The following HSBP1L1 variants were observed in gnomAD, a reference collection of about 807,000 sequenced individuals.
HSBP1L1 encodes heat shock factor-binding protein 1-like protein 1.
A neutral mutation model predicts 9.7 loss-of-function variants in HSBP1L1; 8 were observed. The ratio of observed to expected loss-of-function variants is 0.82; its 90% confidence interval spans 0.48 to 1.48. The LOEUF (loss-of-function observed/expected upper bound fraction) is 1.48, where lower values mean the gene tolerates loss of function less well. HSBP1L1 is among the 40% of genes most tolerant of loss of function. The pLI is 0.00. For missense variants in HSBP1L1, 106 were observed against 95.8 expected, an observed-to-expected ratio of 1.11 and a Z score of -0.44; for synonymous variants, 39 against 34.4, an observed-to-expected ratio of 1.13 and a Z score of -0.46.
chr18:79,969,379 GAA>G (rs1213754045), intron 3 of HSBP1L1, among the ~76,000 whole-genome samples: 1 of 56,698 alleles, frequency 1.8e-5, no homozygotes, highest in African/African-American at 4.8e-5. Context: ...AAGAAAGAAA[GAA>G]AGAAAGAAAG....
intron 1 of HSBP1L1, among the ~76,000 whole-genome samples, chr18:79,965,825 G>A (rs116494760): frequency 6.6e-6 from 1 of 152,154 alleles, no homozygotes; most frequent in African/African-American, 2.4e-5. Flanking sequence ...CATGATTCCC[G>A]CGCTGCTTGT....
At chr18:79,969,058 G>A (rs564497296) in intron 3 of HSBP1L1, among the ~76,000 whole-genome samples, 6 of 149,722 alleles carry the variant, frequency 4.0e-5, no homozygotes, top group South Asian at 2.1e-4. Context: ...GTGTGGTGGC[G>A]GGCGCCTGTG....
chr18:79,969,350 A>AG (rs2051279912), intron 3 of HSBP1L1, among the ~76,000 whole-genome samples: 1 of 42,508 alleles, frequency 2.4e-5, no homozygotes, highest in Non-Finnish European at 5.8e-5. Context: ...AAAGAAAGAA[A>AG]GAAAGAAAGA....
chr18:79,964,962 C>T, intron 1 of HSBP1L1, among the ~76,000 whole-genome samples, 176 bp downstream of exon 1: 1 of 133,810 alleles, frequency 7.5e-6, no homozygotes, highest in African/African-American at 2.9e-5. Context: ...CTGAGGAGTC[C>T]TGAGTGCCTG....
At chr18:79,967,181 T>A (rs1320272724) in intron 2 of HSBP1L1, among the ~76,000 whole-genome samples, 1 of 149,854 alleles carries the variant, frequency 6.7e-6, no homozygotes, top group Non-Finnish European at 1.5e-5. Flanking sequence ...ACCTCCTGCT[T>A]GACTGGCAAC....
Position 79,964,747 on chromosome 18 carries a change from G to A in HSBP1L1, c.12G>A (p.Arg4=), listed in dbSNP as rs949536993. 2.1e-6 allele frequency: 3 copies of A among 1,419,078 alleles called. No individual in the cohort carries two copies. Among genetic ancestry groups the A allele is most frequent in the African/African-American group, 3.0e-5 (2 of 66,682 alleles). The allele number at this position is 1,419,078 out of a possible 1,614,324, so 87.9% of individuals were successfully genotyped here. MDV[R]GPEAPGGRAL... is the part of the protein sequence containing the mutation. The stretch of plus-strand genomic sequence containing the variant: ...GGCCAGCGGTCCACATGGACGTGCG[G>A]GGCCCTGAAGCCCCCGGCGGGCGCG... The change falls in exon 1 of 4, where the codon CGG becomes CGA. Residue 4 remains arginine, a synonymous_variant. Coordinates refer to ENST00000451882, the MANE Select transcript of HSBP1L1 (RefSeq NM_001136180.2).
intron 3 of HSBP1L1, among the ~76,000 whole-genome samples, chr18:79,969,302 GA>G (rs1599701536): frequency 1.3e-5 from 1 of 74,462 alleles, no homozygotes. Context: ...GAGGGAGAGA[GA>G]GAGAGAAAGG....
At chr18:79,968,366 G>C (rs904562475) in intron 3 of HSBP1L1, among the ~76,000 whole-genome samples, 183 bp downstream of exon 3, 1 of 152,020 alleles carries the variant, frequency 6.6e-6, no homozygotes, top group Non-Finnish European at 1.5e-5. Context: ...TTGCTCTGTC[G>C]CCCAGGCTGG....
At chr18:79,967,668 A>C (rs1227440599) in intron 2 of HSBP1L1, 1 of 153,948 alleles carries the variant, frequency 6.5e-6, no homozygotes, top group East Asian at 1.9e-4. Context: ...CAGCTACTCG[A>C]GAGGCTGAGG....
At chr18:79,969,341 A>AAGAAAGAGAGAGAGAGAG (rs1197862375) in intron 3 of HSBP1L1, among the ~76,000 whole-genome samples, 1 of 27,416 alleles carries the variant, frequency 3.6e-5, no homozygotes, top group African/African-American at 9.0e-5. Flanking sequence ...AAAAGAAAGA[A>AAGAAAGAGAGAGAGAGAG]AGAAAGAAAG....
intron 3 of HSBP1L1, among the ~76,000 whole-genome samples, chr18:79,969,361 AAGAAAG>A (rs2051280585): frequency 2.1e-5 from 1 of 48,190 alleles, no homozygotes; most frequent in African/African-American, 5.2e-5. Context: ...GAAAGAAAGA[AAGAAAG>A]AAAGAAAGAA....
chr18:79,965,144 G>A (rs1235306149), intron 1 of HSBP1L1, among the ~76,000 whole-genome samples: 2 of 152,088 alleles, frequency 1.3e-5, no homozygotes, highest in Non-Finnish European at 2.9e-5. Context: ...GTCGGGGTCA[G>A]TGGGGAAACA....
Position 79,966,594 on chromosome 18 carries a change from T to TA in HSBP1L1, c.52-17dup. 1 of 1,535,978 alleles carries TA rather than the reference T, an allele frequency of 6.5e-7. No homozygotes were observed. Among genetic ancestry groups the TA allele is most frequent in the Non-Finnish European group, 8.8e-7 (1 of 1,133,804 alleles). On this transcript the variant is annotated splice_polypyrimidine_tract_variant and intron_variant, in intron 1 of 3. Transcript: ENST00000451882. Reference sequence around the variant, plus strand: ...ACAGTAAATATTTATTCAATTGTCTTACGGTTTATTTTTTCAGGCAGAAAA... The same window carrying TA: ...ACAGTAAATATTTATTCAATTGTCTTAACGGTTTATTTTTTCAGGCAGAAAA...
chr18:79,966,573 TA>T, intron 1 of HSBP1L1, 38 bp from the exon 2 acceptor site: 2 of 1,441,488 alleles, frequency 1.4e-6, no homozygotes, highest in Non-Finnish European at 1.9e-6. Context: ...ATGCCAACAG[TA>T]AATATTTATT....
intron 3 of HSBP1L1, chr18:79,970,141 T>C: frequency 3.0e-6 from 1 of 331,340 alleles, no homozygotes; most frequent in South Asian, 4.0e-5. Context: ...CAAATTCTTA[T>C]CCTCTGTTGC....
At chr18:79,965,613 G>A (rs1435800683) in intron 1 of HSBP1L1, among the ~76,000 whole-genome samples, 1 of 152,210 alleles carries the variant, frequency 6.6e-6, no homozygotes, top group Non-Finnish European at 1.5e-5. Context: ...AACGCTTTCA[G>A]TAGCAATGGT....
chr18:79,969,400 A>AAAAAAAC (rs201355227), intron 3 of HSBP1L1, among the ~76,000 whole-genome samples: 1 of 147,868 alleles, frequency 6.8e-6, no homozygotes, highest in African/African-American at 2.6e-5. Flanking sequence ...AGAAAAAAAA[A>AAAAAAAC]CGATGCAGAA....
rs371874697 is a variant in HSBP1L1 at position 79,970,430 on chromosome 18, C to T, written c.214-10C>T. On this transcript the variant is annotated splice_polypyrimidine_tract_variant and intron_variant, in intron 3 of 3. Coordinates refer to ENST00000451882, the MANE Select transcript of HSBP1L1 (RefSeq NM_001136180.2). ...AGTTACGGCCTGAACGTTTATGTCT[C>T]CCTAAATAGCTGAAGACCTAACTGC... 1.2e-4 allele frequency: 83 copies of T among 718,518 alleles called. No homozygotes were observed. The highest frequency in any genetic ancestry group is 1.9e-4 in the Non-Finnish European group (73 of 385,056). 44.5% of individuals were successfully genotyped at this position (718,518 alleles called of 1,614,324 possible).
intron 3 of HSBP1L1, among the ~76,000 whole-genome samples, chr18:79,969,365 AAGAAAGAAAGAAAG>A (rs1438269288): frequency 8.1e-5 from 4 of 49,314 alleles, no homozygotes; most frequent in African/African-American, 2.0e-4. Flanking sequence ...GAAAGAAAGA[AAGAAAGAAAGAAAG>A]AAAGAAAGAA....
Sources: allele counts gnomAD v4.1 joint callset (sites outside exome capture counted in the v4.1 genomes callset), GRCh38; gene constraint gnomAD v4.1.1; transcripts MANE v1.5; gene names NCBI Gene and HGNC (gene_info 2026-07-23, HGNC 2026-07-21).